C8orf89: variants seen among roughly 807,000 people sequenced by gnomAD.
C8orf89 encodes putative uncharacterized protein C8orf89.
A neutral mutation model predicts 15.8 loss-of-function variants in C8orf89; 14 were observed. The ratio of observed to expected loss-of-function variants is 0.89; its 90% CI spans 0.59 to 1.39. C8orf89 has a LOEUF of 1.39. Ranked by LOEUF, C8orf89 falls within the 40% of genes most tolerant of loss-of-function variation. C8orf89 has a pLI of 0.00. For missense variants in C8orf89, 181 were observed against 184.5 expected (o/e 0.98, Z 0.11); for synonymous variants, 55 against 62.2 (o/e 0.88, Z 0.54).
chr8:73,270,384 C>T, the C8orf89 span, among the ~76,000 whole-genome samples: 2 of 152,162 alleles, frequency 1.3e-5, no homozygotes, highest in South Asian at 2.1e-4. Flanking sequence ...TGAAAATTAA[C>T]AGAATGGTTC....
the C8orf89 span, among the ~76,000 whole-genome samples, chr8:73,266,656 A>C: frequency 1.3e-5 from 2 of 152,190 alleles, no homozygotes; most frequent in Admixed American, 6.5e-5. Flanking sequence ...GATCAATAAG[A>C]TTAAGTGAAA....
chr8:73,273,732 TTTG>T, the C8orf89 span, among the ~76,000 whole-genome samples: 1 of 150,710 alleles, frequency 6.6e-6, no homozygotes, highest in African/African-American at 2.4e-5. Context: ...GTGGTGCTTT[TTTG>T]TTGGTGATGC....
chr8:73,256,929 C>A (rs1379679781), intron 2 of C8orf89, 44 bp downstream of exon 2: 1 of 1,451,004 alleles, frequency 6.9e-7, no homozygotes, highest in Admixed American at 2.2e-5. Context: ...AGTATTACTA[C>A]AAATACACAT....
chr8:73,257,582 G>A (rs370777032), intron 1 of C8orf89, among the ~76,000 whole-genome samples: 19 of 152,276 alleles, frequency 1.2e-4, no homozygotes, highest in East Asian at 9.6e-4. Context: ...TTATACTTGA[G>A]GCACTGATTT....
chr8:73,252,587 T>C (rs1813272716), intron 2 of C8orf89, among the ~76,000 whole-genome samples: 1 of 152,166 alleles, frequency 6.6e-6, no homozygotes, highest in Admixed American at 6.5e-5. Flanking sequence ...ATTATCAACT[T>C]TTCATTTTAA....
chr8:73,250,229 C>T, intron 3 of C8orf89, 39 bp downstream of exon 3: 1 of 1,407,750 alleles, frequency 7.1e-7, no homozygotes, highest in Non-Finnish European at 9.7e-7. Flanking sequence ...GTATATGACA[C>T]CCAAGAGAGG....
chr8:73,283,621 C>CA, the C8orf89 span, among the ~76,000 whole-genome samples: 14 of 152,284 alleles, frequency 9.2e-5, no homozygotes, highest in Admixed American at 8.5e-4. Flanking sequence ...AGTCTGTTGA[C>CA]AAAAAGATAA....
intron 3 of C8orf89, among the ~76,000 whole-genome samples, chr8:73,243,271 A>G (rs572348692): frequency 6.6e-6 from 1 of 152,192 alleles, no homozygotes; most frequent in Non-Finnish European, 1.5e-5. Flanking sequence ...TATAGTCAAT[A>G]ATGATCTAAT....
intron 3 of C8orf89, among the ~76,000 whole-genome samples, chr8:73,247,378 T>C (rs1298077600): frequency 6.6e-6 from 1 of 152,230 alleles, no homozygotes; most frequent in African/African-American, 2.4e-5. Flanking sequence ...GTCTTTGCTA[T>C]TGTGAATAGT....
At chr8:73,265,139 T>C in the C8orf89 span, among the ~76,000 whole-genome samples, 2 of 152,242 alleles carry the variant, frequency 1.3e-5, no homozygotes, top group Non-Finnish European at 2.9e-5. Context: ...ATTGATTTTA[T>C]GTTGAAATGA....
At chr8:73,285,442 T>C in the C8orf89 span, among the ~76,000 whole-genome samples, 5 of 152,202 alleles carry the variant, frequency 3.3e-5, no homozygotes, top group Non-Finnish European at 1.5e-5. Context: ...TAGAGCATCC[T>C]CGGAGTGACC....
Position 73,257,121 on chromosome 8 carries a change from T to C in C8orf89, c.133A>G (p.Thr45Ala). Residue 45 changes from threonine (T) to alanine (A), a missense_variant, in exon 2 of 4, where the codon ACC (threonine) becomes GCC (alanine). Thr to Ala is a moderately conservative substitution (Grantham distance 58, BLOSUM62 0). Transcript: ENST00000624510. The part of the protein sequence containing the change: ...LETQKIKKEY[T>A]TAFGLEELKE... Reference sequence around the variant, plus strand: ...AGCTCTTCTAGACCAAATGCTGTGGTATATTCTGGTTAAAAATATATAAGA... The same window carrying C: ...AGCTCTTCTAGACCAAATGCTGTGGCATATTCTGGTTAAAAATATATAAGA... 6.6e-7 allele frequency: 1 copy of C among 1,526,396 alleles called. No individual in the cohort carries two copies. Among genetic ancestry groups the C allele is most frequent in the Non-Finnish European group, 8.8e-7 (1 of 1,141,382 alleles). The allele number at this position is 1,526,396 out of a possible 1,614,324, so 94.6% of individuals were successfully genotyped here. A position where few individuals can be genotyped will look rare whatever the true frequency, so the allele number is the denominator to read the frequency against.
intron 1 of C8orf89, among the ~76,000 whole-genome samples, chr8:73,257,844 A>G (rs1303547602): frequency 6.6e-6 from 1 of 152,254 alleles, no homozygotes; most frequent in Non-Finnish European, 1.5e-5. Context: ...AGCAACAAAA[A>G]TGGTATTTAA....
rs1220478610 is a variant in C8orf89, at chr8:73,259,380, C to A, written c.79G>T (p.Glu27Ter). Residue 27 changes from glutamate to a stop codon, truncating the protein, a stop_gained, in exon 1 of 4, where the codon GAG becomes TAG. Coordinates refer to ENST00000624510, the MANE Select transcript of C8orf89 (RefSeq NM_001243237.3). LOFTEE classifies it high-confidence loss of function. ...RSSFGSCLIF[E>*]SSWKKAVLET... The stretch of plus-strand genomic sequence containing the variant: ...AAAACTGCTTTCTTCCAACTACTCT[C>A]AAAAATCAAACAACTGCCAAAGGAA... 2.6e-6 allele frequency: 4 copies of A among 1,529,790 alleles called. No homozygotes were observed. Among genetic ancestry groups the A allele is most frequent in the Non-Finnish European group, 2.6e-6 (3 of 1,141,738 alleles). 94.8% of individuals were successfully genotyped at this position (1,529,790 alleles called of 1,614,324 possible).
chr8:73,261,091 T>G (rs1032782721), upstream of C8orf89, among the ~76,000 whole-genome samples: 7 of 152,196 alleles, frequency 4.6e-5, no homozygotes, highest in African/African-American at 1.4e-4. Flanking sequence ...TCAGTTTCCC[T>G]ACTTTTGAGG....
intron 3 of C8orf89, among the ~76,000 whole-genome samples, chr8:73,249,331 G>T (rs1461861806): frequency 6.6e-6 from 1 of 152,040 alleles, no homozygotes; most frequent in South Asian, 2.1e-4. Flanking sequence ...CCAGTATTTT[G>T]TTGAGGATTT....
At chr8:73,247,246 A>T (rs538077281) in intron 3 of C8orf89, among the ~76,000 whole-genome samples, 1 of 134,314 alleles carries the variant, frequency 7.4e-6, no homozygotes, top group East Asian at 2.3e-4. Context: ...CTCCAGCTCC[A>T]TCCATGTTCC....
intron 2 of C8orf89, among the ~76,000 whole-genome samples, chr8:73,253,734 G>C (rs2130272336): frequency 6.6e-6 from 1 of 150,500 alleles, no homozygotes; most frequent in South Asian, 2.1e-4. Context: ...TTGGCTCTCT[G>C]TCTGTTATTG....
rs565876382 is a variant in C8orf89, at chr8:73,257,065, T to C, written c.189A>G (p.Pro63=). Residue 63 remains proline, a synonymous_variant, in exon 2 of 4, where the codon CCA becomes CCG. Transcript: ENST00000624510. ...LKECIKMPYL[P]GLQSCQKSVS... Reference sequence around the variant, plus strand: ...CACTTTTTTGGCAACTTTGCAGTCCTGGTAAATATGGCATTTTGATACATT... The same window carrying C: ...CACTTTTTTGGCAACTTTGCAGTCCCGGTAAATATGGCATTTTGATACATT... 2 of 1,535,722 alleles carry C rather than the reference T, an allele frequency of 1.3e-6. No individual in the cohort carries two copies. The highest frequency in any genetic ancestry group is 1.7e-4 in the Middle Eastern group (1 of 5,990).
Sources: gnomAD v4.1 joint callset for allele counts (sites outside exome capture counted in the v4.1 genomes callset) on GRCh38, gnomAD v4.1.1 for gene constraint, MANE v1.5 for transcripts, NCBI Gene and HGNC (gene_info 2026-07-23, HGNC 2026-07-21) for gene names.